C15orf40: variants seen among roughly 807,000 people sequenced by gnomAD.
C15orf40 encodes chromosome 15 open reading frame 40.
Under a neutral mutation model 13.9 loss-of-function variants are expected in C15orf40, and 9 were observed. The observed-to-expected ratio is 0.65, with a 90% confidence interval of 0.39 to 1.13. The LOEUF (loss-of-function observed/expected upper bound fraction) is 1.13, where lower values mean the gene tolerates loss of function less well. C15orf40 is among the 50% of genes most tolerant of loss of function. The probability of loss-of-function intolerance (pLI) is 0.01; values close to 1 mark genes in which losing one functional copy is unlikely to be tolerated. For synonymous variants in C15orf40, 95 were observed against 69.2 expected (o/e 1.37, Z -1.85); for missense variants, 225 against 188.5 (o/e 1.19, Z -1.13).
At chr15:82,989,551 C>G (rs2030769559), downstream of C15orf40, among the ~76,000 whole-genome samples, 1 of 152,140 alleles carries the variant, frequency 6.6e-6, no homozygotes, top group African/African-American at 2.4e-5. Flanking sequence ...ATGGAAGTTA[C>G]TTTTACTTAA....
At chr15:82,994,672 A>G (rs1454839245), downstream of C15orf40, among the ~76,000 whole-genome samples, 4 of 152,282 alleles carry the variant, frequency 2.6e-5, no homozygotes, top group Admixed American at 6.5e-5. Context: ...ATTATATGTA[A>G]ACTATTCACT....
downstream of C15orf40, chr15:82,991,827 A>AT: frequency 1.7e-6 from 2 of 1,204,378 alleles, no homozygotes; most frequent in Non-Finnish European, 2.2e-6. Context: ...CAGTGCTGTT[A>AT]TATAAAGATA....
rs1301181938 is a variant in C15orf40, at chr15:82,998,312, G to C, written c.*7285C>G. On this transcript the variant is annotated 3_prime_UTR_variant, in exon 4 of 4. Coordinates refer to ENST00000304177, the MANE Select transcript of C15orf40 (RefSeq NM_144597.3). ...TCCCGGACGGGGTGGCTGCCGGGCG[G>C]AGACGCTCCTCACTTCCCAGATGGG... The C allele has an allele frequency of 6.9e-6, 1 of 145,358 alleles. No individual in the cohort carries two copies. The highest frequency in any genetic ancestry group is 2.7e-5 in the African/African-American group (1 of 37,354). The allele number at this position is 145,358 out of a possible 1,614,324, so 9.0% of individuals were successfully genotyped here.
At chr15:82,993,742 T>C (rs1439520404), downstream of C15orf40, among the ~76,000 whole-genome samples, 1 of 151,994 alleles carries the variant, frequency 6.6e-6, no homozygotes, top group Admixed American at 6.6e-5. Context: ...GAGGTGGAGG[T>C]TACAGTGAGC....
Position 83,007,468 on chromosome 15 carries a change from G to C in C15orf40, c.366+1080C>G, listed in dbSNP as rs183978565. Reference sequence around the variant, plus strand: ...AAGGATTAAGGCAGCAGGCATGAAGGAGACTAAATAGGAAGAATTGACAGA... The same window carrying C: ...AAGGATTAAGGCAGCAGGCATGAAGCAGACTAAATAGGAAGAATTGACAGA... On this transcript the variant is annotated intron_variant, in intron 3 of 3. Transcript: ENST00000304177. Among the ~76,000 whole-genome samples, 18 of 152,308 alleles carry C rather than the reference G, an allele frequency of 1.2e-4. No homozygotes were observed. The East Asian group carries it at 2.7e-3, about 23-fold the overall frequency.
At position 83,005,297 on chromosome 15, in the gene C15orf40, T is replaced by C. The variant is rs962728234; in HGVS notation, c.*300A>G. On this transcript the variant is annotated 3_prime_UTR_variant, in exon 4 of 4. Transcript: ENST00000304177. The stretch of plus-strand genomic sequence containing the variant: ...GGATGTATTTTTTATTTCTTTTTTT[T>C]CGGGGGGAGAGAGTTTCACTCTTGT... 1 of 992,922 alleles carries C rather than the reference T, an allele frequency of 1.0e-6. No individual in the cohort carries two copies. Among genetic ancestry groups the C allele is most frequent in the Non-Finnish European group, 1.2e-6 (1 of 824,890 alleles). 61.5% of individuals were successfully genotyped at this position (992,922 alleles called of 1,614,324 possible).
Position 82,997,965 on chromosome 15 carries a change from A to ACC in C15orf40, c.*7630_*7631dup, listed in dbSNP as rs561239746. ...GGGCGGCTGGCCGGGCGGAGGGCTG[A>ACC]CCCCCCCACCTCCCTCCCGGACGGG... On this transcript the variant is annotated 3_prime_UTR_variant, in exon 4 of 4. Transcript: ENST00000304177. The ACC allele has an allele frequency of 3.4e-5, 3 of 89,204 alleles. No individual in the cohort carries two copies. The highest frequency in any genetic ancestry group is 6.8e-5 in the Non-Finnish European group (3 of 44,302). 5.5% of individuals were successfully genotyped at this position (89,204 alleles called of 1,614,324 possible).
At position 83,000,739 on chromosome 15, in the gene C15orf40, A is replaced by G. The variant is rs961406941; in HGVS notation, c.*4858T>C. On this transcript the variant is annotated 3_prime_UTR_variant, in exon 4 of 4. Transcript: ENST00000304177. The stretch of plus-strand genomic sequence containing the variant: ...TTACAGCTAAAGAACTATGTAACCA[A>G]ATCCCTGGAATCTAGGAGGGGGATG... The G allele has an allele frequency of 4.6e-5, 7 of 152,208 alleles. No homozygotes were observed. The highest frequency in any genetic ancestry group is 1.7e-4 in the African/African-American group (7 of 41,448). 9.4% of individuals were successfully genotyped at this position (152,208 alleles called of 1,614,324 possible).
At chr15:83,006,685 C>T (rs1167171109) in intron 3 of C15orf40, among the ~76,000 whole-genome samples, 17 of 150,302 alleles carry the variant, frequency 1.1e-4, no homozygotes, top group East Asian at 8.1e-4. Flanking sequence ...CGGGGAGGGG[C>T]GGGGCGCGGG....
chr15:82,997,986 A>C lies in C15orf40; in HGVS notation c.*7611T>G. On this transcript the variant is annotated 3_prime_UTR_variant, in exon 4 of 4. Transcript: ENST00000304177. ...GCTGACCCCCCCACCTCCCTCCCGG[A>C]CGGGGCGGCTGGCCAGGCGGGGGGC... 2 of 124,780 alleles carry C rather than the reference A, an allele frequency of 1.6e-5. No individual in the cohort carries two copies. The highest frequency in any genetic ancestry group is 1.7e-5 in the Non-Finnish European group (1 of 59,088). 7.7% of individuals were successfully genotyped at this position (124,780 alleles called of 1,614,324 possible).
In C15orf40 at chr15:83,008,734, G is replaced by A. The variant is rs139727269; in HGVS notation, c.239-59C>T. 2.9e-3 allele frequency: 4,394 copies of A among 1,514,342 alleles called. 121 individuals are homozygous for A. The East Asian group carries it at 0.064, about 22-fold the overall frequency. The allele number at this position is 1,514,342 out of a possible 1,614,324, so 93.8% of individuals were successfully genotyped here. A position where few individuals can be genotyped will look rare whatever the true frequency, so the allele number is the denominator to read the frequency against. ...GGAGTTCTTTTTCTTCATGAAGCAAGGACATTTTGTAAAAGAGTTTTTGCA... is the reference window on the plus strand; with the variant it reads ...GGAGTTCTTTTTCTTCATGAAGCAAAGACATTTTGTAAAAGAGTTTTTGCA... On this transcript the variant is annotated intron_variant, in intron 2 of 3. Coordinates refer to ENST00000304177, the MANE Select transcript of C15orf40 (RefSeq NM_144597.3).
downstream of C15orf40, chr15:82,990,318 T>G: frequency 4.1e-6 from 1 of 243,652 alleles, no homozygotes; most frequent in South Asian, 8.5e-5. Flanking sequence ...AATAGTGCTT[T>G]AAGTTTGGTA....
chr15:83,006,378 T>C (rs748721157), intron 3 of C15orf40: 27 of 983,770 alleles, frequency 2.7e-5, no homozygotes, highest in Non-Finnish European at 3.3e-5. Context: ...ATTGCTATTC[T>C]CTATGTTGTT....
At position 83,004,085 on chromosome 15, in the gene C15orf40, C is replaced by T. The variant is rs969216538; in HGVS notation, c.*1512G>A. 2 of 152,126 alleles carry T rather than the reference C, an allele frequency of 1.3e-5. No individual in the cohort carries two copies. The highest frequency in any genetic ancestry group is 4.8e-5 in the African/African-American group (2 of 41,400). 9.4% of individuals were successfully genotyped at this position (152,126 alleles called of 1,614,324 possible). ...ATATGAGGTCTTATATATAATCTTA[C>T]ATATAAATATATATATCTATGTATA... On this transcript the variant is annotated 3_prime_UTR_variant, in exon 4 of 4. Transcript: ENST00000304177.
intron 3 of C15orf40, among the ~76,000 whole-genome samples, chr15:83,007,342 G>C (rs954227168): frequency 6.6e-6 from 1 of 152,190 alleles, no homozygotes; most frequent in Non-Finnish European, 1.5e-5. Flanking sequence ...AGCTAAGCAA[G>C]ATTAATCTGA....
At position 83,000,345 on chromosome 15, in the gene C15orf40, G is replaced by A. The variant is rs1320785706; in HGVS notation, c.*5252C>T. The stretch of plus-strand genomic sequence containing the variant: ...GATTTCTGAAACCTGCAGAGTTAAG[G>A]AAGGAACTCAAGACCATGCTGACTC... On this transcript the variant is annotated 3_prime_UTR_variant, in exon 4 of 4. Transcript: ENST00000304177. The A allele has an allele frequency of 1.3e-5, 2 of 152,266 alleles. No individual in the cohort carries two copies. The highest frequency in any genetic ancestry group is 4.8e-5 in the African/African-American group (2 of 41,430). The allele number at this position is 152,266 out of a possible 1,614,324, so 9.4% of individuals were successfully genotyped here.
In C15orf40 at chr15:83,002,996, G is replaced by A. The variant is rs1193564772; in HGVS notation, c.*2601C>T. ...CCAGGTAACTTTTGTATTTTTAGTAGAGACGGGGTTTCACCATGTTGGCCA... is the reference window on the plus strand; with the variant it reads ...CCAGGTAACTTTTGTATTTTTAGTAAAGACGGGGTTTCACCATGTTGGCCA... On this transcript the variant is annotated 3_prime_UTR_variant, in exon 4 of 4. Transcript: ENST00000304177. The A allele has an allele frequency of 6.6e-6, 1 of 152,012 alleles. No individual in the cohort carries two copies. The highest frequency in any genetic ancestry group is 1.5e-5 in the Non-Finnish European group (1 of 68,052). The allele number at this position is 152,012 out of a possible 1,614,324, so 9.4% of individuals were successfully genotyped here.
At position 82,994,878 on chromosome 15, in the gene C15orf40, A is replaced by C. The variant is rs1263478959; in HGVS notation, c.*10719T>G. 2.0e-5 allele frequency: 3 copies of C among 152,208 alleles called. No homozygotes were observed. Among genetic ancestry groups the C allele is most frequent in the Non-Finnish European group, 2.9e-5 (2 of 68,044 alleles). 9.4% of individuals were successfully genotyped at this position (152,208 alleles called of 1,614,324 possible). A position where few individuals can be genotyped will look rare whatever the true frequency, so the allele number is the denominator to read the frequency against. On this transcript the variant is annotated 3_prime_UTR_variant, in exon 4 of 4. Coordinates refer to ENST00000304177, the MANE Select transcript of C15orf40 (RefSeq NM_144597.3). ...AAAGATATGCTTTTAAAACTCTCAA[A>C]TTTTAAAATTGATTTAAGCCCAGTA...
rs1231792803 is a variant in C15orf40, at chr15:83,002,836, GCC to G, written c.*2759_*2760del. The G allele has an allele frequency of 6.6e-6, 1 of 152,170 alleles. No homozygotes were observed. Among genetic ancestry groups the G allele is most frequent in the East Asian group, 1.9e-4 (1 of 5,194 alleles). 9.4% of individuals were successfully genotyped at this position (152,170 alleles called of 1,614,324 possible). A position where few individuals can be genotyped will look rare whatever the true frequency, so the allele number is the denominator to read the frequency against. On this transcript the variant is annotated 3_prime_UTR_variant, in exon 4 of 4. Coordinates refer to ENST00000304177, the MANE Select transcript of C15orf40 (RefSeq NM_144597.3). ...TCTTGAGACGGAGTCTGCCTCTGCAGCCCACGCTGGAGCGCAGTTCGCAGTTG... is the reference window on the plus strand; with the variant it reads ...TCTTGAGACGGAGTCTGCCTCTGCAGCACGCTGGAGCGCAGTTCGCAGTTG...
Sources: gnomAD v4.1 joint callset for allele counts (sites outside exome capture counted in the v4.1 genomes callset) on GRCh38, gnomAD v4.1.1 for gene constraint, MANE v1.5 for transcripts, NCBI Gene and HGNC (gene_info 2026-07-23, HGNC 2026-07-21) for gene names.